The following B9D1 variants were observed in gnomAD, a reference collection of about 807,000 sequenced individuals.
B9D1 encodes the protein B9 domain-containing protein 1.
A neutral mutation model predicts 26.1 loss-of-function variants in B9D1; 20 were observed. The ratio of observed to expected loss-of-function variants is 0.77; its 90% CI spans 0.54 to 1.12. The LOEUF (loss-of-function observed/expected upper bound fraction) is 1.12. Ranked by LOEUF, B9D1 falls within the 50% of genes most tolerant of loss-of-function variation. The pLI is 0.00. For synonymous variants in B9D1, 105 were observed against 103.1 expected (o/e 1.02, Z -0.11); for missense variants, 260 against 273.7 (o/e 0.95, Z 0.35).
upstream of B9D1, among the ~76,000 whole-genome samples, chr17:19,365,655 C>A (rs371565025): frequency 6.6e-6 from 1 of 152,144 alleles, no homozygotes; most frequent in Non-Finnish European, 1.5e-5. This position sits in a 1 kb window ranked among gnomAD's most constrained non-coding sequence, Gnocchi z 5.0. Flanking sequence ...TCCAGCCCTG[C>A]GATCTCTGCA....
At chr17:19,352,124 G>A (rs541552826) in intron 3 of B9D1, among the ~76,000 whole-genome samples, 3 of 152,130 alleles carry the variant, frequency 2.0e-5, no homozygotes, top group Admixed American at 6.6e-5. Flanking sequence ...GGGCTCAAGC[G>A]ATCCTACCGC....
At chr17:19,362,799 T>G (rs1233085755), upstream of B9D1, 4 of 1,320,748 alleles carry the variant, frequency 3.0e-6, no homozygotes, top group African/African-American at 2.9e-5. Context: ...GCTCCACCCC[T>G]CCTTAGGGCA....
chr17:19,371,294 G>A (rs1911879347), intron 1 of B9D1: 1 of 152,384 alleles, frequency 6.6e-6, no homozygotes, highest in South Asian at 2.1e-4. Context: ...GCAAATCTCT[G>A]TGTGTGTTTG....
intron 6 of B9D1, 79 bp from the exon 7 acceptor site, chr17:19,343,540 A>G: frequency 1.2e-6 from 2 of 1,602,106 alleles, no homozygotes; most frequent in South Asian, 1.1e-5. Flanking sequence ...TCTCAGCCTC[A>G]GCGTTCTCAT....
intron 1 of B9D1, among the ~76,000 whole-genome samples, chr17:19,374,213 C>G (rs1000064244): frequency 6.6e-6 from 1 of 152,198 alleles, no homozygotes; most frequent in Non-Finnish European, 1.5e-5. Flanking sequence ...ATCTGACCCT[C>G]GGCCTGTGCT....
At chr17:19,343,058 C>A (rs1010902726), downstream of B9D1, 5 of 1,370,494 alleles carry the variant, frequency 3.6e-6, no homozygotes, top group African/African-American at 2.9e-5. Flanking sequence ...GCAGCTTCCA[C>A]GGCACAAGGG....
chr17:19,362,701 A>C lies in B9D1; in HGVS notation c.-132T>G. 1 of 1,499,430 alleles carries C rather than the reference A, an allele frequency of 6.7e-7. No individual in the cohort carries two copies. Among genetic ancestry groups the C allele is most frequent in the Non-Finnish European group, 8.9e-7 (1 of 1,121,574 alleles). 92.9% of individuals were successfully genotyped at this position (1,499,430 alleles called of 1,614,324 possible). ...TGGCAGCGACACCTTCGCGAAGGCC[A>C]CGCGAGTGCGCGTGTGGCATGCGCA... On this transcript the variant is annotated 5_prime_UTR_variant, in exon 1 of 7. Coordinates refer to ENST00000261499, the MANE Select transcript of B9D1 (RefSeq NM_015681.6).
At chr17:19,361,633 G>A (rs1053240857) in intron 1 of B9D1, among the ~76,000 whole-genome samples, 2 of 152,130 alleles carry the variant, frequency 1.3e-5, no homozygotes, top group African/African-American at 2.4e-5. Context: ...GACAGGGTGG[G>A]AGCATGGAGT....
At chr17:19,377,699 T>G in intron 1 of B9D1, 1 of 292,616 alleles carries the variant, frequency 3.4e-6, no homozygotes, top group Non-Finnish European at 5.1e-6. Context: ...GAATAAACTA[T>G]CGGATTTTGG....
Position 19,370,335 on chromosome 17 carries a change from C to T in B9D1, c.-298+7524G>A, listed in dbSNP as rs1245612810. ...TGGATCTGGAGCTCAGGGAGAACAA[C>T]CCTCAGAGGAGATGGCCCCTGGCTG... On this transcript the variant is annotated intron_variant, in intron 1 of 5. Coordinates refer to the B9D1 transcript ENST00000477478. This position sits in a 1 kb window ranked among gnomAD's most constrained non-coding sequence, Gnocchi z 5.1. Among the ~76,000 whole-genome samples, 1 of 152,198 alleles carries T rather than the reference C, an allele frequency of 6.6e-6. No homozygotes were observed. The highest frequency in any genetic ancestry group is 1.5e-5 in the Non-Finnish European group (1 of 68,044).
At chr17:19,377,704 T>G in intron 1 of B9D1, 16 of 314,182 alleles carry the variant, frequency 5.1e-5, no homozygotes, top group Non-Finnish European at 6.9e-5. Flanking sequence ...AACTATCGGA[T>G]TTTGGGGTGG....
chr17:19,363,938 A>C (rs1911433159), upstream of B9D1, among the ~76,000 whole-genome samples: 1 of 152,186 alleles, frequency 6.6e-6, no homozygotes, highest in Non-Finnish European at 1.5e-5. Flanking sequence ...TGGTGGCCCA[A>C]GTGCTGCACC....
At chr17:19,343,568 C>G (rs750653546) in intron 6 of B9D1, 107 bp from the exon 7 acceptor site, 1 of 1,582,880 alleles carries the variant, frequency 6.3e-7, no homozygotes, top group Admixed American at 1.8e-5. Flanking sequence ...ATGGGGACAA[C>G]AGTGCCTGAC....
intron 2 of B9D1, 130 bp downstream of exon 2, chr17:19,360,190 C>G: frequency 2.4e-6 from 2 of 847,996 alleles, no homozygotes; most frequent in South Asian, 2.8e-5. Context: ...CAGGAACACT[C>G]ATGTTTGGGT....
At chr17:19,339,258 G>C (rs1907706498), downstream of B9D1, among the ~76,000 whole-genome samples, 1 of 151,968 alleles carries the variant, frequency 6.6e-6, no homozygotes, top group African/African-American at 2.4e-5. Context: ...TTGCAAACTA[G>C]CCAGTTCTTT....
chr17:19,370,101 T>G lies in B9D1; in HGVS notation c.-298+7758A>C, dbSNP rs1006901541. 3.3e-5 allele frequency among the ~76,000 whole-genome samples: 5 copies of G among 152,174 alleles called. No individual in the cohort carries two copies. The highest frequency in any genetic ancestry group is 7.3e-5 in the Non-Finnish European group (5 of 68,032). On this transcript the variant is annotated intron_variant, in intron 1 of 5. Coordinates refer to the B9D1 transcript ENST00000477478. This position sits in a 1 kb window ranked among gnomAD's most constrained non-coding sequence, Gnocchi z 5.1. ...CACCACACCCTGGACTCAGAGAACT[T>G]GGGTACTTCACCGACGGCCACCTCC...
rs1428658413 is a variant in B9D1, at chr17:19,362,491, G to A, written c.63+16C>T. 9 of 1,551,660 alleles carry A rather than the reference G, an allele frequency of 5.8e-6. No homozygotes were observed. Among genetic ancestry groups the A allele is most frequent in the African/African-American group, 1.4e-5 (1 of 73,890 alleles). ...ACGCTGGGGGGCGGGCCCCGGCGGG[G>A]TCCACGGCCGCTCACCTGGGCGCTC... On this transcript the variant is annotated intron_variant, in intron 1 of 6. Transcript: ENST00000261499.
At chr17:19,335,609 T>G, downstream of B9D1, 1 of 547,640 alleles carries the variant, frequency 1.8e-6, no homozygotes, top group Non-Finnish European at 2.9e-6. Flanking sequence ...GTCCCTAGGC[T>G]AAGACAGGGG....
At chr17:19,345,959 G>A (rs750604712) in intron 5 of B9D1, among the ~76,000 whole-genome samples, 2 of 152,240 alleles carry the variant, frequency 1.3e-5, no homozygotes, top group Non-Finnish European at 2.9e-5. Flanking sequence ...AGCACATACT[G>A]CCTTGCCCAG....
Sources: allele counts gnomAD v4.1 joint callset (sites outside exome capture counted in the v4.1 genomes callset), GRCh38; gene constraint gnomAD v4.1.1; non-coding constraint Gnocchi (gnomAD v3.1); transcripts MANE v1.5; gene names NCBI Gene and HGNC (gene_info 2026-07-23, HGNC 2026-07-21).